Variants in STARD13 observed in about 807,000 individuals in gnomAD.
STARD13 encodes the protein StAR related lipid transfer domain containing 13.
STARD13 carries 62 observed loss-of-function variants against 106.4 expected under a neutral mutation model. The observed-to-expected ratio is 0.58, with a 90% CI of 0.48 to 0.72. The LOEUF is 0.72. Among genes scored for constraint, STARD13 ranks in the 30% least tolerant of loss-of-function variants. STARD13 has a pLI of 0.00. For missense variants in STARD13, 1,387 were observed against 1,424.0 expected (o/e 0.97, Z 0.42); for synonymous variants, 565 against 553.0 (o/e 1.02, Z -0.31).
the STARD13 span, among the ~76,000 whole-genome samples, chr13:33,673,619 T>C: frequency 4.1e-5 from 6 of 146,192 alleles, no homozygotes; most frequent in Admixed American, 4.4e-4. Flanking sequence ...CTTGGCTCAC[T>C]GCAACCTCCA....
At chr13:33,339,130 C>A (rs1342802557) in intron 1 of STARD13, among the ~76,000 whole-genome samples, 3 of 152,136 alleles carry the variant, frequency 2.0e-5, no homozygotes, top group Non-Finnish European at 2.9e-5. Context: ...CTCATAACAA[C>A]CCTCTAAGGT....
At chr13:33,203,081 C>T (rs1887161518) in intron 1 of STARD13, among the ~76,000 whole-genome samples, 1 of 152,226 alleles carries the variant, frequency 6.6e-6, no homozygotes, top group Non-Finnish European at 1.5e-5. Flanking sequence ...CTCCCAACCA[C>T]CTCGTGCTAC....
the STARD13 span, among the ~76,000 whole-genome samples, chr13:33,606,129 A>G: frequency 1.1e-4 from 17 of 152,062 alleles, no homozygotes; most frequent in African/African-American, 4.1e-4. Context: ...GTGAAACCCC[A>G]TCTCTACTAA....
In STARD13 at chr13:33,310,552, A is replaced by G. The variant is rs576447646; in HGVS notation, c.124+39738T>C. Among the ~76,000 whole-genome samples, 27 of 152,318 alleles carry G rather than the reference A, an allele frequency of 1.8e-4. No individual in the cohort carries two copies. In the South Asian group the frequency reaches 5.6e-3, roughly 32 times the overall value. The stretch of plus-strand genomic sequence containing the variant: ...TCTTCTCCTTTATTATAAAAAAATA[A>G]CAAACTAAATGAATGTGGGCATTCA... On this transcript the variant is annotated intron_variant, in intron 1 of 5. Coordinates refer to the STARD13 transcript ENST00000567873.
At chr13:33,565,694 C>T in the STARD13 span, among the ~76,000 whole-genome samples, 2 of 147,694 alleles carry the variant, frequency 1.4e-5, no homozygotes, top group African/African-American at 2.5e-5. Context: ...TTGCCCAGGA[C>T]GCTGCCTCCA....
chr13:33,389,427 G>A, the STARD13 span, among the ~76,000 whole-genome samples: 1 of 152,132 alleles, frequency 6.6e-6, no homozygotes, highest in African/African-American at 2.4e-5. Flanking sequence ...GGAAAGCAGA[G>A]AAACCTTCTG....
chr13:33,463,804 G>T, the STARD13 span, among the ~76,000 whole-genome samples: 19 of 151,662 alleles, frequency 1.3e-4, no homozygotes, highest in Non-Finnish European at 1.8e-4. Flanking sequence ...ACGAGGTCAC[G>T]AGTTCAAGAC....
the STARD13 span, among the ~76,000 whole-genome samples, chr13:33,549,784 CATT>C: frequency 6.6e-6 from 1 of 152,130 alleles, no homozygotes; most frequent in African/African-American, 2.4e-5. Flanking sequence ...GGAGGTCAGA[CATT>C]ATTTTTTTTC....
downstream of STARD13, among the ~76,000 whole-genome samples, chr13:33,344,762 T>G (rs1053554100): frequency 6.6e-6 from 1 of 152,190 alleles, no homozygotes; most frequent in East Asian, 1.9e-4. Context: ...AATGAGACTA[T>G]AAAGAAGATC....
chr13:33,147,502 C>T (rs1880709245), intron 3 of STARD13, among the ~76,000 whole-genome samples: 1 of 152,178 alleles, frequency 6.6e-6, no homozygotes, highest in African/African-American at 2.4e-5. Flanking sequence ...CAATCATTTG[C>T]TGATTACTAA....
chr13:33,368,927 C>T, the STARD13 span, among the ~76,000 whole-genome samples: 1 of 152,110 alleles, frequency 6.6e-6, no homozygotes, highest in African/African-American at 2.4e-5. Flanking sequence ...ATATCCCCTA[C>T]TGGCATCTCT....
the STARD13 span, among the ~76,000 whole-genome samples, chr13:33,360,099 T>A: frequency 6.6e-6 from 1 of 152,238 alleles, no homozygotes; most frequent in African/African-American, 2.4e-5. Flanking sequence ...GTAACAGAAC[T>A]CTTAGGAGTT....
chr13:33,422,843 G>C, the STARD13 span, among the ~76,000 whole-genome samples: 1 of 152,192 alleles, frequency 6.6e-6, no homozygotes, highest in Non-Finnish European at 1.5e-5. Context: ...AAGAAATGGG[G>C]AAAGGATACC....
the STARD13 span, among the ~76,000 whole-genome samples, chr13:33,552,550 A>C: frequency 6.6e-6 from 1 of 152,244 alleles, no homozygotes; most frequent in Non-Finnish European, 1.5e-5. Context: ...CTCATTTACT[A>C]AAAATAATCA....
chr13:33,315,492 G>A (rs1160601165), intron 1 of STARD13, among the ~76,000 whole-genome samples: 2 of 152,152 alleles, frequency 1.3e-5, no homozygotes, highest in South Asian at 2.1e-4. Flanking sequence ...CCCCCAGAGT[G>A]AGAAGACCCT....
chr13:33,628,295 G>A, the STARD13 span, among the ~76,000 whole-genome samples: 1 of 151,922 alleles, frequency 6.6e-6, no homozygotes, highest in African/African-American at 2.4e-5. Context: ...TCTGTACCTG[G>A]TACTAATTAA....
At chr13:33,550,545 C>T in the STARD13 span, among the ~76,000 whole-genome samples, 7 of 152,144 alleles carry the variant, frequency 4.6e-5, no homozygotes, top group Admixed American at 6.5e-5. Flanking sequence ...CCTTAGTAAC[C>T]TCATCAGTGA....
the STARD13 span, among the ~76,000 whole-genome samples, chr13:33,632,493 T>A: frequency 6.6e-6 from 1 of 152,222 alleles, no homozygotes. Context: ...TGTACCTACA[T>A]GTCTTTATAT....
chr13:33,389,410 T>C, the STARD13 span, among the ~76,000 whole-genome samples: 1 of 151,990 alleles, frequency 6.6e-6, no homozygotes, highest in South Asian at 2.1e-4. Flanking sequence ...GGAGGAACTG[T>C]GGTGGAGGAA....
Sources: gnomAD v4.1 joint callset for allele counts (sites outside exome capture counted in the v4.1 genomes callset) on GRCh38, gnomAD v4.1.1 for gene constraint, MANE v1.5 for transcripts, NCBI Gene and HGNC (gene_info 2026-07-23, HGNC 2026-07-21) for gene names.